Variants in POTEC observed in about 807,000 individuals in gnomAD.
The protein encoded by POTEC is POTE ankyrin domain family member C, also known as ANKRD26-like family B member 2.
A neutral mutation model predicts 62.0 loss-of-function variants in POTEC; 35 were observed. The ratio of observed to expected loss-of-function variants is 0.56; its 90% CI spans 0.43 to 0.75. The LOEUF (loss-of-function observed/expected upper bound fraction) is 0.75, where lower values mean the gene tolerates loss of function less well. POTEC is among the 30% of genes least tolerant of loss of function. POTEC has a pLI of 0.00. For missense variants in POTEC, 472 were observed against 655.9 expected (o/e 0.72, Z 3.06); for synonymous variants, 156 against 221.5 (o/e 0.70, Z 2.62).
chr18:14,539,054 C>T (rs1166309204), intron 1 of POTEC, among the ~76,000 whole-genome samples: 4 of 152,022 alleles, frequency 2.6e-5, no homozygotes, highest in African/African-American at 9.7e-5. Flanking sequence ...AAAACAAAAA[C>T]AATTTTCTAA....
chr18:14,542,276 T>G (rs984373211), intron 1 of POTEC, among the ~76,000 whole-genome samples: 1 of 152,232 alleles, frequency 6.6e-6, no homozygotes, highest in African/African-American at 2.4e-5. Context: ...TGATATATTA[T>G]GGGGCTTAGT....
At chr18:14,538,034 C>A in intron 2 of POTEC, 60 bp from the exon 3 acceptor site, 1 of 1,594,510 alleles carries the variant, frequency 6.3e-7, no homozygotes. Context: ...TAACATTCCA[C>A]AGCTTTCACC....
At chr18:14,524,215 T>C (rs1456201505) in intron 7 of POTEC, among the ~76,000 whole-genome samples, 2 of 152,194 alleles carry the variant, frequency 1.3e-5, no homozygotes, top group Non-Finnish European at 2.9e-5. Context: ...TAGAAGGTTA[T>C]TGTGTTTGTG....
In POTEC at chr18:14,509,085, G is replaced by A. The variant is rs1168597415; in HGVS notation, c.*2813C>T. The stretch of plus-strand genomic sequence containing the variant: ...CAACTTTGTCCTCTGGCTCCTCGAG[G>A]TTTGGAGTCCACTGCACTGAGGGGA... On this transcript the variant is annotated 3_prime_UTR_variant, in exon 11 of 11. Transcript: ENST00000358970. 3 of 152,254 alleles carry A rather than the reference G, an allele frequency of 2.0e-5. No individual in the cohort carries two copies. The highest frequency in any genetic ancestry group is 7.2e-5 in the African/African-American group (3 of 41,462). 9.4% of individuals were successfully genotyped at this position (152,254 alleles called of 1,614,324 possible). A position where few individuals can be genotyped will look rare whatever the true frequency, so the allele number is the denominator to read the frequency against.
chr18:14,521,600 T>A (rs1910310063), intron 9 of POTEC, among the ~76,000 whole-genome samples: 1 of 152,326 alleles, frequency 6.6e-6, no homozygotes, highest in East Asian at 1.9e-4. Flanking sequence ...ATCCTTACTA[T>A]GTTATATATA....
At position 14,538,131 on chromosome 18, in the gene POTEC, A is replaced by G; in HGVS notation, c.636+4T>C. On this transcript the variant is annotated splice_donor_region_variant and intron_variant, in intron 2 of 10. Coordinates refer to ENST00000358970, the MANE Select transcript of POTEC (RefSeq NM_001137671.2). ...TCACGCTGATATAGTTGACTACTGC[A>G]TACCTTTATCAGAGCTGTCCTTTTT... is the stretch of plus-strand genomic sequence containing the variant. 1.2e-6 allele frequency: 2 copies of G among 1,605,186 alleles called. No homozygotes were observed. Among genetic ancestry groups the G allele is most frequent in the Non-Finnish European group, 1.7e-6 (2 of 1,175,838 alleles).
chr18:14,529,880 A>G (rs1159958516), intron 6 of POTEC, among the ~76,000 whole-genome samples: 1 of 152,040 alleles, frequency 6.6e-6, no homozygotes, highest in East Asian at 1.9e-4. Context: ...TGTGATCAAA[A>G]ATTCCTTACT....
chr18:14,521,805 G>A (rs1910316604), intron 9 of POTEC, among the ~76,000 whole-genome samples: 2 of 152,098 alleles, frequency 1.3e-5, no homozygotes, highest in South Asian at 2.1e-4. Flanking sequence ...ACTAAACAAT[G>A]AGAACTCATG....
intron 1 of POTEC, among the ~76,000 whole-genome samples, chr18:14,539,278 C>A (rs1406497169): frequency 3.3e-5 from 5 of 151,908 alleles, no homozygotes; most frequent in Non-Finnish European, 7.4e-5. Flanking sequence ...CTTTTTTCAA[C>A]TTTTACATTC....
rs1598483473 is a variant in POTEC at position 14,543,263 on chromosome 18, C to T, written c.-117G>A. On this transcript the variant is annotated 5_prime_UTR_variant, in exon 1 of 11. Transcript: ENST00000358970. ...ATCTGTTTGAAGAGAAAGGTCAATC[C>T]CAGCCAAAACTTGCCAACCCCAGCA... The T allele has an allele frequency of 1.4e-6, 2 of 1,459,628 alleles. No individual in the cohort carries two copies. Among genetic ancestry groups the T allele is most frequent in the Non-Finnish European group, 1.9e-6 (2 of 1,080,608 alleles). 90.4% of individuals were successfully genotyped at this position (1,459,628 alleles called of 1,614,324 possible).
In POTEC at chr18:14,509,086, T is replaced by A. The variant is rs1909923544; in HGVS notation, c.*2812A>T. 1 of 152,188 alleles carries A rather than the reference T, an allele frequency of 6.6e-6. No individual in the cohort carries two copies. Among genetic ancestry groups the A allele is most frequent in the Non-Finnish European group, 1.5e-5 (1 of 68,060 alleles). 9.4% of individuals were successfully genotyped at this position (152,188 alleles called of 1,614,324 possible). On this transcript the variant is annotated 3_prime_UTR_variant, in exon 11 of 11. Coordinates refer to ENST00000358970, the MANE Select transcript of POTEC (RefSeq NM_001137671.2). The stretch of plus-strand genomic sequence containing the variant: ...AACTTTGTCCTCTGGCTCCTCGAGG[T>A]TTGGAGTCCACTGCACTGAGGGGAC...
At chr18:14,517,677 C>A (rs868701550) in intron 9 of POTEC, among the ~76,000 whole-genome samples, 1 of 152,116 alleles carries the variant, frequency 6.6e-6, no homozygotes, top group Admixed American at 6.6e-5. Flanking sequence ...GCCTGACCAA[C>A]GGGGTGAAAC....
Position 14,511,829 on chromosome 18 carries a change from T to C in POTEC, c.*69A>G, listed in dbSNP as rs1235445531. On this transcript the variant is annotated 3_prime_UTR_variant, in exon 11 of 11. Coordinates refer to ENST00000358970, the MANE Select transcript of POTEC (RefSeq NM_001137671.2). ...ATAGCCCTTAGAAGTTTATCAGTCT[T>C]TTCTTTCACACTTTCAATTTCCTCC... 7.4e-7 allele frequency: 1 copy of C among 1,357,280 alleles called. No homozygotes were observed. Among genetic ancestry groups the C allele is most frequent in the East Asian group, 2.3e-5 (1 of 43,504 alleles). The allele number at this position is 1,357,280 out of a possible 1,614,324, so 84.1% of individuals were successfully genotyped here.
intron 10 of POTEC, among the ~76,000 whole-genome samples, 154 bp downstream of exon 10, chr18:14,513,508 G>C (rs1426378964): frequency 6.9e-6 from 1 of 145,858 alleles, no homozygotes. Context: ...ATATGACCAA[G>C]GATATACAGG....
rs865800318 is a variant in POTEC, at chr18:14,507,550, T to A, written c.*4348A>T. 2.0e-5 allele frequency: 3 copies of A among 152,060 alleles called. No individual in the cohort carries two copies. In the South Asian group the frequency reaches 6.2e-4, roughly 32 times the overall value. 9.4% of individuals were successfully genotyped at this position (152,060 alleles called of 1,614,324 possible). ...TTTATCCAGCTTGCCCCCTGTGTCTTTCAATTGGAGCATTTAGCCCATTTC... is the reference window on the plus strand; with the variant it reads ...TTTATCCAGCTTGCCCCCTGTGTCTATCAATTGGAGCATTTAGCCCATTTC... On this transcript the variant is annotated 3_prime_UTR_variant, in exon 11 of 11. Transcript: ENST00000358970.
In POTEC at chr18:14,539,811, T is replaced by A. The variant is rs183053263; in HGVS notation, c.522-1562A>T. 5.2e-3 allele frequency among the ~76,000 whole-genome samples: 793 copies of A among 152,292 alleles called. 7 individuals are homozygous for A. Among genetic ancestry groups the A allele is most frequent in the African/African-American group, 0.015 (604 of 41,554 alleles). On this transcript the variant is annotated intron_variant, in intron 1 of 10. Coordinates refer to ENST00000358970, the MANE Select transcript of POTEC (RefSeq NM_001137671.2). ...AGCTTCAATTGAGATTAAGTCCTAA[T>A]GCCCCAATTTTGATTCTCTCAGCTT... is the stretch of plus-strand genomic sequence containing the variant.
intron 10 of POTEC, among the ~76,000 whole-genome samples, chr18:14,512,883 G>A (rs1910045322): frequency 6.6e-6 from 1 of 151,998 alleles, no homozygotes; most frequent in South Asian, 2.1e-4. Flanking sequence ...CTTCTGTAGT[G>A]TAAATATATA....
Position 14,535,001 on chromosome 18 carries a change from G to C in POTEC, c.817C>G (p.Leu273Val), listed in dbSNP as rs2143157202. 6.4e-7 allele frequency: 1 copy of C among 1,564,790 alleles called. No individual in the cohort carries two copies. Among genetic ancestry groups the C allele is most frequent in the South Asian group, 1.2e-5 (1 of 84,724 alleles). The change falls in exon 4 of 11, where the codon CTC (leucine) becomes GTC (valine). Residue 273 changes from leucine to valine, a missense_variant. Physicochemically the swap from Leu to Val is conservative, Grantham distance 32 (BLOSUM62 1). Around this residue, in one of 5 missense-constraint regions of POTEC, gnomAD observed 83 missense variants for 254.3 expected, o/e 0.33. Transcript: ENST00000358970. Reference protein sequence around the residue: ...ADIESKNKCGLTPLLLGVHEQ... With the variant: ...ADIESKNKCGVTPLLLGVHEQ... ...TGTACGCCAAGCAAAAGTGGTGTGAGGCCACACTGTAAAACAATATAAAAC... is the reference window on the plus strand; with the variant it reads ...TGTACGCCAAGCAAAAGTGGTGTGACGCCACACTGTAAAACAATATAAAAC...
Position 14,507,923 on chromosome 18 carries a change from G to A in POTEC, c.*3975C>T, listed in dbSNP as rs1358815819. On this transcript the variant is annotated 3_prime_UTR_variant, in exon 11 of 11. Transcript: ENST00000358970. ...GTCTTTTCTGGCTTGTACAGTTTCA[G>A]TTGAGAGGTCTGCTAAGTCTGATGG... 2 of 152,188 alleles carry A rather than the reference G, an allele frequency of 1.3e-5. No individual in the cohort carries two copies. The highest frequency in any genetic ancestry group is 4.8e-5 in the African/African-American group (2 of 41,438). The allele number at this position is 152,188 out of a possible 1,614,324, so 9.4% of individuals were successfully genotyped here.
Sources: allele counts gnomAD v4.1 joint callset (sites outside exome capture counted in the v4.1 genomes callset), GRCh38; gene constraint gnomAD v4.1.1; regional missense constraint gnomAD v4.1.1; transcripts MANE v1.5; gene names NCBI Gene and HGNC (gene_info 2026-07-23, HGNC 2026-07-21).